TACC2: variants seen among roughly 807,000 people sequenced by gnomAD.
The protein encoded by TACC2 is transforming acidic coiled-coil-containing protein 2.
TACC2 carries 137 observed loss-of-function variants against 227.3 expected under a neutral mutation model. The observed-to-expected ratio is 0.60, with a 90% CI of 0.52 to 0.69. The LOEUF (loss-of-function observed/expected upper bound fraction) is 0.69. TACC2 is among the 30% of genes least tolerant of loss of function. The pLI is 0.00. For synonymous variants in TACC2, 1,523 were observed against 1,487.5 expected (o/e 1.02, Z -0.55); for missense variants, 3,470 against 3,694.4 (o/e 0.94, Z 1.57).
rs534378278 is a variant in TACC2 at position 122,092,994 on chromosome 10, G to A, written c.5573+4403G>A. Reference sequence around the variant, plus strand: ...TAGAATTTGGCATTTTGGTTACATAGCACTAATGTTCAGATGTGTCGTTCT... The same window carrying A: ...TAGAATTTGGCATTTTGGTTACATAACACTAATGTTCAGATGTGTCGTTCT... On this transcript the variant is annotated intron_variant, in intron 5 of 22. Transcript: ENST00000369005. Among the ~76,000 whole-genome samples the A allele has an allele frequency of 2.6e-5, 4 of 152,250 alleles. No individual in the cohort carries two copies. The South Asian group carries it at 8.3e-4, about 32-fold the overall frequency.
At chr10:122,179,877 TG>T (rs1481762978) in intron 7 of TACC2, among the ~76,000 whole-genome samples, 1 of 152,034 alleles carries the variant, frequency 6.6e-6, no homozygotes, top group Non-Finnish European at 1.5e-5. Context: ...CTCAGTAGTT[TG>T]AGACCAGCCT....
Position 122,224,774 on chromosome 10 carries a change from G to C in TACC2, c.7595G>C (p.Gly2532Ala), listed in dbSNP as rs1302564812. The C allele has an allele frequency of 8.7e-6, 14 of 1,613,940 alleles. No individual in the cohort carries two copies. The highest frequency in any genetic ancestry group is 1.2e-5 in the Non-Finnish European group (14 of 1,179,948). ...SYEIEYMEKI[G>A]SSLPQDDDAP... ...GAAATTGAATATATGGAGAAAATTGGCTCCTCCTTACCTGTAAGTTCGTCT... is the reference window on the plus strand; with the variant it reads ...GAAATTGAATATATGGAGAAAATTGCCTCCTCCTTACCTGTAAGTTCGTCT... The change falls in exon 12 of 23, where the codon GGC becomes GCC. Residue 2532 changes from glycine to alanine, a missense_variant. Physicochemically the swap from Gly to Ala is moderately conservative, Grantham distance 60 (BLOSUM62 0). This residue lies in a region of TACC2 where 345 missense variants were observed against 354.4 expected (regional missense o/e 0.97). Coordinates refer to ENST00000369005, the MANE Select transcript of TACC2 (RefSeq NM_206862.4).
At chr10:122,057,142 A>T (rs1018056963) in intron 3 of TACC2, among the ~76,000 whole-genome samples, 2 of 152,206 alleles carry the variant, frequency 1.3e-5, no homozygotes, top group African/African-American at 4.8e-5. Context: ...CAGTGAGGTG[A>T]GATCATGCCA....
intron 5 of TACC2, among the ~76,000 whole-genome samples, chr10:122,117,042 A>C (rs1417928943): frequency 3.3e-5 from 5 of 152,022 alleles, no homozygotes; most frequent in Non-Finnish European, 7.4e-5. Context: ...GTAATGATTT[A>C]AATTTGTTAC....
intron 18 of TACC2, among the ~76,000 whole-genome samples, chr10:122,240,516 T>G (rs1427091519): frequency 2.0e-5 from 3 of 152,148 alleles, no homozygotes; most frequent in South Asian, 2.1e-4. Context: ...TTATTGAATT[T>G]CCCATACAGC....
intron 16 of TACC2, among the ~76,000 whole-genome samples, chr10:122,235,861 G>A (rs2095848660): frequency 6.6e-6 from 1 of 152,140 alleles, no homozygotes; most frequent in African/African-American, 2.4e-5. Context: ...TCTGGGGTCT[G>A]CTTGAAGGGG....
At chr10:122,250,144 G>T (rs1022545234) in intron 22 of TACC2, among the ~76,000 whole-genome samples, 1 of 152,184 alleles carries the variant, frequency 6.6e-6, no homozygotes, top group African/African-American at 2.4e-5. Context: ...GAGCTTGTGC[G>T]CAGGTTTCCT....
chr10:122,065,017 T>C (rs1191002626), intron 3 of TACC2, among the ~76,000 whole-genome samples: 1 of 152,212 alleles, frequency 6.6e-6, no homozygotes, highest in Non-Finnish European at 1.5e-5. Context: ...TTGAACTCTA[T>C]ATAAATGGAA....
chr10:122,091,899 C>T (rs991043108), intron 5 of TACC2, among the ~76,000 whole-genome samples: 4 of 152,202 alleles, frequency 2.6e-5, no homozygotes, highest in African/African-American at 9.6e-5. Flanking sequence ...CCCAGCTCTG[C>T]TCCTTACTAA....
intron 1 of TACC2, among the ~76,000 whole-genome samples, chr10:121,992,460 A>G (rs1953065917): frequency 6.6e-6 from 1 of 152,242 alleles, no homozygotes; most frequent in Admixed American, 6.5e-5. Context: ...GAACTTCAAG[A>G]AAAGTTATAA....
intron 11 of TACC2, among the ~76,000 whole-genome samples, chr10:122,218,951 G>A (rs1227129332): frequency 6.6e-6 from 1 of 150,692 alleles, no homozygotes; most frequent in Non-Finnish European, 1.5e-5. Flanking sequence ...GAGCCCAGGT[G>A]ACAGAGGTTG....
intron 1 of TACC2, among the ~76,000 whole-genome samples, chr10:121,994,340 T>C (rs940535725): frequency 6.6e-6 from 1 of 152,214 alleles, no homozygotes; most frequent in African/African-American, 2.4e-5. Context: ...AGCCAAAATA[T>C]AAGTCAAGTA....
At chr10:121,996,201 G>A (rs1007916494) in intron 1 of TACC2, among the ~76,000 whole-genome samples, 1 of 151,924 alleles carries the variant, frequency 6.6e-6, no homozygotes, top group Non-Finnish European at 1.5e-5. Flanking sequence ...CCACAGGCAC[G>A]CACCACCACA....
chr10:122,159,063 A>C (rs1467970844), intron 7 of TACC2, among the ~76,000 whole-genome samples: 1 of 152,210 alleles, frequency 6.6e-6, no homozygotes, highest in African/African-American at 2.4e-5. Context: ...GGAAGAAAGA[A>C]GTCTGGGGGC....
At chr10:122,127,861 T>C (rs2087186409) in intron 5 of TACC2, among the ~76,000 whole-genome samples, 1 of 152,258 alleles carries the variant, frequency 6.6e-6, no homozygotes, top group African/African-American at 2.4e-5. Flanking sequence ...TTTCATATGG[T>C]TGAGCCTAAT....
intron 6 of TACC2, among the ~76,000 whole-genome samples, chr10:122,135,259 C>T (rs762090881): frequency 2.0e-5 from 3 of 152,156 alleles, no homozygotes; most frequent in Admixed American, 1.3e-4. Flanking sequence ...TCCTGGGGCC[C>T]CGCCTGTATC....
intron 7 of TACC2, among the ~76,000 whole-genome samples, chr10:122,157,305 T>C (rs2092553350): frequency 6.6e-6 from 1 of 152,164 alleles, no homozygotes; most frequent in African/African-American, 2.4e-5. Context: ...AATGCATCCC[T>C]GGGAACTTTG....
At chr10:122,066,816 C>A (rs1372548573) in intron 3 of TACC2, among the ~76,000 whole-genome samples, 2 of 152,008 alleles carry the variant, frequency 1.3e-5, no homozygotes, top group African/African-American at 4.8e-5. Context: ...TTTTTGCCTT[C>A]TTTTGGATTA....
At position 122,121,157 on chromosome 10, in the gene TACC2, G is replaced by T. The variant is rs1157311268; in HGVS notation, c.5574-11452G>T. Among the ~76,000 whole-genome samples, 5 of 152,328 alleles carry T rather than the reference G, an allele frequency of 3.3e-5. No individual in the cohort carries two copies. The East Asian group carries it at 9.6e-4, about 29-fold the overall frequency. ...GCACCTGAGACTCACACCTGGATGT[G>T]CAGGAGAGGCGGGAGGGAGGGTCAT... is the stretch of plus-strand genomic sequence containing the variant. On this transcript the variant is annotated intron_variant, in intron 5 of 22. Transcript: ENST00000369005.
Sources: allele counts gnomAD v4.1 joint callset (sites outside exome capture counted in the v4.1 genomes callset), GRCh38; gene constraint gnomAD v4.1.1; regional missense constraint gnomAD v4.1.1; transcripts MANE v1.5; gene names NCBI Gene and HGNC (gene_info 2026-07-23, HGNC 2026-07-21).